CRYBG1: variants seen among roughly 807,000 people sequenced by gnomAD.
CRYBG1 encodes crystallin beta-gamma domain containing 1.
CRYBG1 carries 139 observed loss-of-function variants against 189.2 expected under a neutral mutation model. That is an observed-to-expected ratio of 0.73 (90% confidence interval 0.64 to 0.85). The LOEUF is 0.85. CRYBG1 is among the 40% of genes least tolerant of loss of function. CRYBG1 has a pLI of 0.00. For synonymous variants in CRYBG1, 1,023 were observed against 1,017.1 expected (o/e 1.01, Z -0.11); for missense variants, 2,611 against 2,675.8 (o/e 0.98, Z 0.53).
At chr6:106,409,595 G>A (rs1770887641) in intron 1 of CRYBG1, among the ~76,000 whole-genome samples, 1 of 152,084 alleles carries the variant, frequency 6.6e-6, no homozygotes, top group Non-Finnish European at 1.5e-5. Flanking sequence ...AACAAAGCTG[G>A]AGGCTTCATG....
chr6:106,567,084 T>C (rs1208665675), intron 21 of CRYBG1, among the ~76,000 whole-genome samples: 1 of 152,250 alleles, frequency 6.6e-6, no homozygotes. Flanking sequence ...TTCATGATTC[T>C]AGTTGAATTT....
intron 1 of CRYBG1, among the ~76,000 whole-genome samples, chr6:106,421,957 T>C (rs1771130441): frequency 8.0e-6 from 1 of 125,572 alleles, no homozygotes; most frequent in Non-Finnish European, 1.8e-5. Context: ...CCATTCACTA[T>C]CATGAGAACA....
Position 106,560,925 on chromosome 6 carries a change from A to T in CRYBG1, c.5978A>T (p.Gln1993Leu). 6.3e-7 allele frequency: 1 copy of T among 1,599,736 alleles called. No individual in the cohort carries two copies. The highest frequency in any genetic ancestry group is 8.5e-7 in the Non-Finnish European group (1 of 1,173,346). The change falls in exon 19 of 22, where the codon CAG becomes CTG. Residue 1993 changes from glutamine to leucine, a missense_variant and splice_region_variant. By Grantham distance (113) the Gln-to-Leu change is moderately radical. Around this residue, in one of 3 missense-constraint regions of CRYBG1, gnomAD observed 1,622 missense variants for 1,735.0 expected, o/e 0.93. Transcript: ENST00000633556. ...RQIGSLRPFV[Q>L]KRIYFRLRNK... ...ATAGGTTCTCTACGACCTTTTGTTC[A>T]GGTATTTTCTTCCTCTCCATGCTCT...
Position 106,504,286 on chromosome 6 carries a change from T to C in CRYBG1, c.313-7144T>C, listed in dbSNP as rs556435099. ...CTCAAGGATTATTGGTTATATCATATGAAATTGGACTGTAGATCAAAAATG... is the reference window on the plus strand; with the variant it reads ...CTCAAGGATTATTGGTTATATCATACGAAATTGGACTGTAGATCAAAAATG... On this transcript the variant is annotated intron_variant, in intron 2 of 21. Transcript: ENST00000633556. Among the ~76,000 whole-genome samples the C allele has an allele frequency of 3.3e-5, 5 of 152,296 alleles. No homozygotes were observed. In the South Asian group the frequency reaches 8.3e-4, roughly 25 times the overall value.
intron 1 of CRYBG1, among the ~76,000 whole-genome samples, chr6:106,370,810 C>T (rs1770009499): frequency 6.6e-6 from 1 of 152,098 alleles, no homozygotes; most frequent in Admixed American, 6.5e-5. Context: ...TTGACAGGAG[C>T]CCAACTGACT....
Position 106,525,146 on chromosome 6 carries a change from G to A in CRYBG1, c.4259G>A (p.Ser1420Asn). 1.2e-6 allele frequency: 2 copies of A among 1,614,084 alleles called. No individual in the cohort carries two copies. Among genetic ancestry groups the A allele is most frequent in the Non-Finnish European group, 1.7e-6 (2 of 1,179,956 alleles). Residue 1420 changes from serine (S) to asparagine (N), a missense_variant, in exon 5 of 22, where the codon AGT becomes AAT. Around this residue, in one of 3 missense-constraint regions of CRYBG1, gnomAD observed 1,622 missense variants for 1,735.0 expected, o/e 0.93. Coordinates refer to ENST00000633556, the MANE Select transcript of CRYBG1 (RefSeq NM_001371242.2). Reference sequence around the variant, plus strand: ...ATCTGATTGCAGACACTTAGAGGAAGTGTCCAAAATAAACTCAATCCCCGA... The same window carrying A: ...ATCTGATTGCAGACACTTAGAGGAAATGTCCAAAATAAACTCAATCCCCGA... ...SLSDTMTLRG[S>N]VQNKLNPRPG...
At position 106,360,934 on chromosome 6, in the gene CRYBG1, G is replaced by A. The variant is rs868041577; in HGVS notation, c.26G>A (p.Gly9Asp). Residue 9 changes from glycine (G) to aspartate (D), a missense_variant, in exon 1 of 22, where the codon GGC (glycine) becomes GAC (aspartate). Transcript: ENST00000633556. MPLSPPAQ[G>D]DPGEPSPCRP... ...ATGCCGCTGTCCCCGCCAGCCCAGG[G>A]CGACCCCGGGGAGCCCAGCCCGTGC... The A allele has an allele frequency of 5.2e-6, 8 of 1,534,684 alleles. No homozygotes were observed. In the Middle Eastern group the frequency reaches 1.2e-3, roughly 225 times the overall value.
rs986979189 is a variant in CRYBG1, at chr6:106,570,985, A to G, written c.*2419A>G. The stretch of plus-strand genomic sequence containing the variant: ...TACCGTAAATGAATATTCGAAGTGC[A>G]CACTGCAATGGGTTGATTGGAGAGA... On this transcript the variant is annotated 3_prime_UTR_variant, in exon 22 of 22. Transcript: ENST00000633556. 9 of 152,226 alleles carry G rather than the reference A, an allele frequency of 5.9e-5. No individual in the cohort carries two copies. The highest frequency in any genetic ancestry group is 1.9e-4 in the African/African-American group (8 of 41,464). The allele number at this position is 152,226 out of a possible 1,614,324, so 9.4% of individuals were successfully genotyped here. A position where few individuals can be genotyped will look rare whatever the true frequency, so the allele number is the denominator to read the frequency against.
intron 2 of CRYBG1, among the ~76,000 whole-genome samples, chr6:106,481,195 C>T (rs1195735009): frequency 1.6e-5 from 1 of 61,434 alleles, no homozygotes; most frequent in Non-Finnish European, 2.9e-5. Flanking sequence ...GGGATGGTCT[C>T]GATCTCTTGA....
At chr6:106,447,609 T>G (rs1211536078) in intron 1 of CRYBG1, among the ~76,000 whole-genome samples, 2 of 149,280 alleles carry the variant, frequency 1.3e-5, no homozygotes, top group African/African-American at 5.0e-5. Context: ...ATAATAATAA[T>G]GAAAACATTA....
At position 106,519,637 on chromosome 6, in the gene CRYBG1, A is replaced by G; in HGVS notation, c.2429A>G (p.His810Arg). ...TCTGCTCTGATTCCTGTCAAGGATC[A>G]TAAGCTCTTAGAGAAGGAGGACTCA... is the stretch of plus-strand genomic sequence containing the variant. ...VASALIPVKD[H>R]KLLEKEDSEA... is the part of the protein sequence containing the mutation. The change falls in exon 4 of 22, where the codon CAT (histidine) becomes CGT (arginine). Residue 810 changes from histidine to arginine, a missense_variant. Coordinates refer to ENST00000633556, the MANE Select transcript of CRYBG1 (RefSeq NM_001371242.2). 1.9e-6 allele frequency: 3 copies of G among 1,614,216 alleles called. No individual in the cohort carries two copies. The highest frequency in any genetic ancestry group is 2.5e-6 in the Non-Finnish European group (3 of 1,180,012).
intron 2 of CRYBG1, among the ~76,000 whole-genome samples, chr6:106,476,592 A>AT (rs148797258): frequency 0.014 from 2,080 of 152,184 alleles, 54 homozygotes; most frequent in African/African-American, 0.048. Context: ...TGAGGTGGAG[A>AT]TTTTTTTAAT....
Position 106,423,694 on chromosome 6 carries a change from CCTTTTTTTTTT to C in CRYBG1, c.174-27999_174-27989del, listed in dbSNP as rs1771173483. ...CCCTCCAGTCCTCAGTTCTCCCTCC[CCTTTTTTTTTT>C]TTTTTTTTTTTTTTTTTTGAGACAA... On this transcript the variant is annotated intron_variant, in intron 1 of 21. Coordinates refer to ENST00000633556, the MANE Select transcript of CRYBG1 (RefSeq NM_001371242.2). Among the ~76,000 whole-genome samples the C allele has an allele frequency of 2.0e-5, 2 of 101,242 alleles. 1 individual carries two copies. The highest frequency in any genetic ancestry group is 8.5e-5 in the African/African-American group (2 of 23,640). 66.4% of individuals were successfully genotyped at this position (101,242 alleles called of 152,430 possible).
chr6:106,377,441 A>G (rs192619378), intron 1 of CRYBG1, among the ~76,000 whole-genome samples: 4 of 152,136 alleles, frequency 2.6e-5, no homozygotes, highest in African/African-American at 9.7e-5. Flanking sequence ...CAAATGCCAA[A>G]GCGGTCATCA....
At chr6:106,361,223 C>G in intron 1 of CRYBG1, 142 bp downstream of exon 1, 3 of 1,087,592 alleles carry the variant, frequency 2.8e-6, no homozygotes, top group Non-Finnish European at 3.8e-6. Context: ...GTACCCGGGT[C>G]CGGAGGGGAG....
chr6:106,374,455 G>A (rs1229216606), intron 1 of CRYBG1, among the ~76,000 whole-genome samples: 1 of 152,152 alleles, frequency 6.6e-6, no homozygotes, highest in Non-Finnish European at 1.5e-5. Flanking sequence ...CTACTTGGGA[G>A]GCTGAGATGG....
intron 20 of CRYBG1, among the ~76,000 whole-genome samples, chr6:106,562,933 C>T (rs1311074784): frequency 5.3e-5 from 8 of 152,050 alleles, no homozygotes; most frequent in Non-Finnish European, 1.0e-4. Context: ...CTCAAGGGAT[C>T]CTCCCACCTC....
Position 106,370,502 on chromosome 6 carries a change from T to A in CRYBG1, c.173+9421T>A, listed in dbSNP as rs576334398. On this transcript the variant is annotated intron_variant, in intron 1 of 21. Coordinates refer to ENST00000633556, the MANE Select transcript of CRYBG1 (RefSeq NM_001371242.2). ...CCCTGCTGCTTGAATCCATTGGTTT[T>A]ACCTCCTGACTTATTCTTGAGGATT... Among the ~76,000 whole-genome samples, 20 of 152,334 alleles carry A rather than the reference T, an allele frequency of 1.3e-4. No homozygotes were observed. In the South Asian group the frequency reaches 3.9e-3, roughly 30 times the overall value.
chr6:106,441,516 A>G (rs1227147916), intron 1 of CRYBG1, among the ~76,000 whole-genome samples: 3 of 152,210 alleles, frequency 2.0e-5, no homozygotes, highest in Non-Finnish European at 4.4e-5. Context: ...TTGCTAATAC[A>G]TAAAGATTTT....
Sources: allele counts gnomAD v4.1 joint callset (sites outside exome capture counted in the v4.1 genomes callset), GRCh38; gene constraint gnomAD v4.1.1; regional missense constraint gnomAD v4.1.1; transcripts MANE v1.5; gene names NCBI Gene and HGNC (gene_info 2026-07-23, HGNC 2026-07-21).